UBAP2: variants seen among roughly 807,000 people sequenced by gnomAD.
UBAP2 encodes the protein ubiquitin associated protein 2.
UBAP2 carries 75 observed loss-of-function variants against 139.6 expected under a neutral mutation model. That is an observed-to-expected ratio of 0.54 (90% CI 0.45 to 0.65). The LOEUF is 0.65. Ranked by LOEUF, UBAP2 falls within the 30% of genes least tolerant of loss-of-function variation. The pLI, the probability that UBAP2 is intolerant of heterozygous loss-of-function variation, is 0.00. For missense variants in UBAP2, 1,368 were observed against 1,369.6 expected (o/e 1.00, Z 0.02); for synonymous variants, 526 against 526.2 (o/e 1.00, Z 0.01).
intron 2 of UBAP2, among the ~76,000 whole-genome samples, chr9:34,002,304 T>C (rs1014909940): frequency 6.6e-6 from 1 of 151,576 alleles, no homozygotes; most frequent in Non-Finnish European, 1.5e-5. Context: ...CCATGTGGAA[T>C]CACTCACAGA....
intron 10 of UBAP2, among the ~76,000 whole-genome samples, chr9:33,959,513 G>A (rs1414194694): frequency 6.6e-6 from 1 of 152,096 alleles, no homozygotes; most frequent in Non-Finnish European, 1.5e-5. Context: ...CCAAACTCAA[G>A]AGTTCTAGAA....
At chr9:34,034,032 G>A (rs72729344) in intron 1 of UBAP2, among the ~76,000 whole-genome samples, 11,997 of 151,838 alleles carry the variant, frequency 0.079, 684 homozygotes, top group Non-Finnish European at 0.12. Flanking sequence ...CACCACGCCC[G>A]GCTTCAAATC....
At chr9:33,928,103 T>A in intron 19 of UBAP2, 111 bp from the exon 20 acceptor site, 1 of 1,153,502 alleles carries the variant, frequency 8.7e-7, no homozygotes, top group Non-Finnish European at 1.2e-6. Flanking sequence ...AGGCAGGCAA[T>A]GATGTAACCA....
At chr9:33,977,195 C>T (rs1002158544) in intron 6 of UBAP2, among the ~76,000 whole-genome samples, 13 of 151,366 alleles carry the variant, frequency 8.6e-5, no homozygotes, top group Non-Finnish European at 7.4e-5. Flanking sequence ...CCTGCCACCA[C>T]GCCTGGCTGA....
rs200887283 is a variant in UBAP2, at chr9:33,975,445, C to CA, written c.521-2209dup. Among the ~76,000 whole-genome samples the CA allele has an allele frequency of 3.2e-3, 426 of 133,020 alleles. 2 individuals carry two copies. Among genetic ancestry groups the CA allele is most frequent in the African/African-American group, 0.011 (368 of 34,922 alleles). 87.3% of individuals were successfully genotyped at this position (133,020 alleles called of 152,430 possible). ...AGGCTCTATCTTTAAAAAAAAAAAA[C>CA]AAAAAAAAAACCAAGTGTTGACAAA... On this transcript the variant is annotated intron_variant, in intron 6 of 28. Transcript: ENST00000379238.
chr9:33,944,277 C>A, intron 14 of UBAP2, 88 bp downstream of exon 14: 11 of 1,529,480 alleles, frequency 7.2e-6, no homozygotes, highest in Non-Finnish European at 9.7e-6. Context: ...AACACTGTAC[C>A]CCAGTTTCCA....
chr9:33,964,598 G>A (rs1827308160), intron 8 of UBAP2, among the ~76,000 whole-genome samples: 1 of 152,050 alleles, frequency 6.6e-6, no homozygotes, highest in Non-Finnish European at 1.5e-5. Flanking sequence ...TACACAGGAA[G>A]GTGATGCAGG....
chr9:34,014,225 G>T (rs999108698), intron 2 of UBAP2, among the ~76,000 whole-genome samples: 1 of 139,752 alleles, frequency 7.2e-6, no homozygotes, highest in African/African-American at 2.6e-5. Context: ...TGCTGGGGAG[G>T]ATAAGACAGG....
At chr9:33,927,772 C>T (rs1416036068) in intron 20 of UBAP2, 25 bp downstream of exon 20, 18 of 1,586,304 alleles carry the variant, frequency 1.1e-5, no homozygotes, top group Non-Finnish European at 1.5e-5. Context: ...CAGGGGTGGG[C>T]AGGAAAGGCC....
At chr9:33,968,545 G>T in intron 8 of UBAP2, 2 of 405,528 alleles carry the variant, frequency 4.9e-6, no homozygotes, top group South Asian at 2.3e-5. Context: ...CCATTATCAG[G>T]CTCAAATCCC....
Position 33,926,654 on chromosome 9 carries a change from T to C in UBAP2, c.2474A>G (p.Tyr825Cys), listed in dbSNP as rs566113875. The part of the protein sequence containing the change: ...GLLPAYPIYG[Y>C]DELQMLQSRL... ...TGACTGCAGCATCTGGAGCTCGTCA[T>C]AGCCATAGATCTGTGTGAGAACCAG... The change falls in exon 22 of 29, where the codon TAT becomes TGT. Residue 825 changes from tyrosine to cysteine, a missense_variant. Transcript: ENST00000379238. 4 of 1,614,192 alleles carry C rather than the reference T, an allele frequency of 2.5e-6. No individual in the cohort carries two copies. In the African/African-American group the frequency reaches 4.0e-5, roughly 16 times the overall value.
At chr9:33,987,836 T>C (rs1477015293) in intron 5 of UBAP2, among the ~76,000 whole-genome samples, 1 of 152,178 alleles carries the variant, frequency 6.6e-6, no homozygotes, top group Non-Finnish European at 1.5e-5. Context: ...AAAATAGCAA[T>C]ACCAAGGAAA....
chr9:34,004,790 A>C (rs1823041077), intron 2 of UBAP2, among the ~76,000 whole-genome samples: 1 of 151,214 alleles, frequency 6.6e-6, no homozygotes, highest in Non-Finnish European at 1.5e-5. Context: ...TCTCCAAAAA[A>C]AAAAATAGGG....
intron 6 of UBAP2, among the ~76,000 whole-genome samples, chr9:33,977,284 G>A (rs541061492): frequency 9.7e-4 from 147 of 151,946 alleles, no homozygotes; most frequent in African/African-American, 3.3e-3. Context: ...TGATCCGCCC[G>A]CCTTAGCCTC....
In UBAP2 at chr9:34,019,688, T is replaced by TACACACACAC. The variant is rs56358132; in HGVS notation, c.-41-2509_-41-2500dup. 2.8e-3 allele frequency among the ~76,000 whole-genome samples: 409 copies of TACACACACAC among 144,854 alleles called. 1 individual carries two copies. Among genetic ancestry groups the TACACACACAC allele is most frequent in the Admixed American group, 7.6e-3 (109 of 14,250 alleles). On this transcript the variant is annotated intron_variant, in intron 1 of 28. Coordinates refer to ENST00000379238, the MANE Select transcript of UBAP2 (RefSeq NM_001370062.2). ...AAACTTTATGTTATGTACATTTTACTACACACACACACACACACACACACA... is the reference window on the plus strand; with the variant it reads ...AAACTTTATGTTATGTACATTTTACTACACACACACACACACACACACACACACACACACA...
chr9:34,012,739 A>G (rs192799428), intron 2 of UBAP2, among the ~76,000 whole-genome samples: 89 of 152,104 alleles, frequency 5.9e-4, no homozygotes, highest in Non-Finnish European at 9.6e-4. Flanking sequence ...AACAGGATAA[A>G]GTAGATGTGA....
intron 6 of UBAP2, among the ~76,000 whole-genome samples, chr9:33,978,024 A>G (rs1820308193): frequency 6.6e-6 from 1 of 150,936 alleles, no homozygotes; most frequent in Admixed American, 6.6e-5. Context: ...TTTAAAAAAA[A>G]AAAAAAAAAA....
intron 1 of UBAP2, among the ~76,000 whole-genome samples, chr9:34,045,314 C>G (rs931106757): frequency 6.6e-6 from 1 of 150,858 alleles, no homozygotes. Flanking sequence ...CCACTGCACT[C>G]CAATTTGGGC....
intron 2 of UBAP2, among the ~76,000 whole-genome samples, chr9:34,010,773 A>T (rs535625575): frequency 1.6e-3 from 236 of 152,112 alleles, no homozygotes; most frequent in Middle Eastern, 6.8e-3. Flanking sequence ...ATTTTTTTTT[A>T]AAAAGTAAAA....
Sources: allele counts gnomAD v4.1 joint callset (sites outside exome capture counted in the v4.1 genomes callset), GRCh38; gene constraint gnomAD v4.1.1; transcripts MANE v1.5; gene names NCBI Gene and HGNC (gene_info 2026-07-23, HGNC 2026-07-21).